The following DMD variants were observed in gnomAD, a reference collection of about 807,000 sequenced individuals.
DMD encodes dystrophin.
In DMD, 63 loss-of-function variants were observed where a neutral mutation model predicts 330.1. The ratio of observed to expected loss-of-function variants is 0.19; its 90% CI spans 0.16 to 0.24. The LOEUF is 0.24. Among genes scored for constraint, DMD ranks in the 10% least tolerant of loss-of-function variants. The probability of loss-of-function intolerance (pLI) is 1.00; values close to 1 mark genes in which losing one functional copy is unlikely to be tolerated. For missense variants in DMD, 3,344 were observed against 2,684.1 expected (o/e 1.25, Z -5.43); for synonymous variants, 1,223 against 959.8 (o/e 1.27, Z -5.07).
At chrX:32,565,310 AT>A (rs2051560887) in intron 16 of DMD, among the ~76,000 whole-genome samples, 1 of 111,813 alleles carries the variant, frequency 8.9e-6, no homozygotes, top group Non-Finnish European at 1.9e-5. Context: ...CTCTTGAAAA[AT>A]TTACTTTTCT....
At chrX:31,275,075 G>A (rs2051984939) in intron 62 of DMD, among the ~76,000 whole-genome samples, 2 of 110,111 alleles carry the variant, frequency 1.8e-5, no homozygotes, top group Non-Finnish European at 3.8e-5. Context: ...GATTAGTTTG[G>A]CCTCTTGGGA....
intron 1 of DMD, among the ~76,000 whole-genome samples, chrX:33,074,976 GA>G (rs1360960333): frequency 3.6e-5 from 4 of 111,477 alleles, no homozygotes; most frequent in African/African-American, 1.3e-4. Flanking sequence ...CGCGTTTGTA[GA>G]GCTAATGAGA....
chrX:33,308,471 T>C (rs1202835051), intron 1 of DMD, among the ~76,000 whole-genome samples: 1 of 112,300 alleles, frequency 8.9e-6, no homozygotes, highest in East Asian at 2.8e-4. Flanking sequence ...CTCCAATATA[T>C]TGAGGCAAAC....
intron 27 of DMD, among the ~76,000 whole-genome samples, chrX:32,442,250 C>G (rs1219533435): frequency 9.1e-6 from 1 of 110,385 alleles, no homozygotes; most frequent in Non-Finnish European, 1.9e-5. Context: ...GAAAAACAGA[C>G]TCAAAATAGA....
chrX:31,820,911 A>G (rs922428001), intron 49 of DMD, among the ~76,000 whole-genome samples: 2 of 112,021 alleles, frequency 1.8e-5, no homozygotes, highest in African/African-American at 6.5e-5. Flanking sequence ...CCACGGTTAA[A>G]TTTAAATTAC....
chrX:32,805,950 G>A (rs2076915367), intron 7 of DMD, among the ~76,000 whole-genome samples: 1 of 111,816 alleles, frequency 8.9e-6, no homozygotes, highest in South Asian at 3.7e-4. Flanking sequence ...ATATGGCAAG[G>A]ACAAACCAGT....
intron 55 of DMD, among the ~76,000 whole-genome samples, chrX:31,626,275 G>A (rs372704948): frequency 2.0e-3 from 228 of 111,658 alleles, no homozygotes; most frequent in African/African-American, 6.9e-3. Flanking sequence ...ATGAGCCACC[G>A]CATCTGGCCG....
intron 31 of DMD, among the ~76,000 whole-genome samples, 160 bp from the exon 32 acceptor site, chrX:32,389,834 A>C (rs2097988358): frequency 8.9e-6 from 1 of 112,119 alleles, no homozygotes; most frequent in Non-Finnish European, 1.9e-5. Flanking sequence ...AGGAAAACAT[A>C]CATTTGGGAG....
chrX:31,735,589 A>G (rs899818998), intron 51 of DMD, among the ~76,000 whole-genome samples: 1 of 112,440 alleles, frequency 8.9e-6, no homozygotes, highest in African/African-American at 3.2e-5. Flanking sequence ...TCTATTTAGA[A>G]ATCACTAAGG....
At chrX:32,968,019 C>G (rs2147103533) in intron 2 of DMD, among the ~76,000 whole-genome samples, 1 of 111,955 alleles carries the variant, frequency 8.9e-6, no homozygotes, top group African/African-American at 3.2e-5. Flanking sequence ...TTCTTCTTAA[C>G]AGACTATCAT....
rs2148194694 is a variant in DMD at position 32,438,382 on chromosome X, T to C, written c.3930A>G (p.Glu1310=). ...EEISEVLDSL[E]NLMRHSEDNP... ...TATCCTCTGAATGTCGCATCAAATTTTCAAGTGACTGAAACACATTTGCAA... is the reference window on the plus strand; with the variant it reads ...TATCCTCTGAATGTCGCATCAAATTCTCAAGTGACTGAAACACATTTGCAA... The change falls in exon 29 of 79, where the codon GAA becomes GAG. Residue 1310 remains glutamate (E), a synonymous_variant. Coordinates refer to ENST00000357033, the MANE Select transcript of DMD (RefSeq NM_004006.3). 1.7e-6 allele frequency: 2 copies of C among 1,211,434 alleles called. No individual in the cohort carries two copies. Among genetic ancestry groups the C allele is most frequent in the East Asian group, 3.0e-5 (1 of 33,772 alleles).
At chrX:32,437,917 G>A (rs1276261591) in intron 29 of DMD, among the ~76,000 whole-genome samples, 1 of 111,973 alleles carries the variant, frequency 8.9e-6, no homozygotes, top group Non-Finnish European at 1.9e-5. Flanking sequence ...TGGAATGGAG[G>A]GAGAGGAATA....
At position 32,902,576 on chromosome X, in the gene DMD, C is replaced by T. The variant is rs371634486; in HGVS notation, c.94-52756G>A. Among the ~76,000 whole-genome samples the T allele has an allele frequency of 2.0e-4, 22 of 110,498 alleles. No individual in the cohort carries two copies. The South Asian group carries it at 7.9e-3, about 40-fold the overall frequency. The stretch of plus-strand genomic sequence containing the variant: ...CTAATTTGAACTCTTATAAAGCATT[C>T]AGTTCAATATAACTCATTAAATGGC... On this transcript the variant is annotated intron_variant, in intron 2 of 78. Transcript: ENST00000357033.
chrX:32,215,106 A>T (rs1203298519), intron 44 of DMD, among the ~76,000 whole-genome samples: 1 of 111,618 alleles, frequency 9.0e-6, no homozygotes, highest in Non-Finnish European at 1.9e-5. Context: ...AAAAATATAT[A>T]CTACATGGGA....
At chrX:31,625,374 T>G (rs1276153451) in intron 55 of DMD, among the ~76,000 whole-genome samples, 2 of 111,742 alleles carry the variant, frequency 1.8e-5, no homozygotes, top group African/African-American at 6.5e-5. Flanking sequence ...AGCCCCTGCC[T>G]TATTCCCAAG....
At chrX:33,032,899 G>A (rs552178875) in intron 1 of DMD, among the ~76,000 whole-genome samples, 1 of 112,268 alleles carries the variant, frequency 8.9e-6, no homozygotes, top group African/African-American at 3.2e-5. Flanking sequence ...TTAAGCCAGT[G>A]TTTATGAAAG....
At chrX:32,300,900 A>G (rs752738108) in intron 42 of DMD, among the ~76,000 whole-genome samples, 1 of 111,073 alleles carries the variant, frequency 9.0e-6, no homozygotes, top group Non-Finnish European at 1.9e-5. Flanking sequence ...AATTCATGTT[A>G]TACTTTTTAA....
intron 73 of DMD, among the ~76,000 whole-genome samples, chrX:31,169,978 C>T (rs924378994): frequency 2.7e-5 from 3 of 112,304 alleles, no homozygotes; most frequent in African/African-American, 9.7e-5. Flanking sequence ...AATCTGTTCA[C>T]TAACCCACGC....
intron 44 of DMD, among the ~76,000 whole-genome samples, chrX:32,112,441 C>T (rs1451059249): frequency 9.0e-6 from 1 of 111,456 alleles, no homozygotes; most frequent in Non-Finnish European, 1.9e-5. Context: ...AGGTAGAGGG[C>T]CAACTGTATT....
Sources: allele counts gnomAD v4.1 joint callset (sites outside exome capture counted in the v4.1 genomes callset), GRCh38; gene constraint gnomAD v4.1.1; transcripts MANE v1.5; gene names NCBI Gene and HGNC (gene_info 2026-07-23, HGNC 2026-07-21).